The following DNM3 variants were observed in gnomAD, a reference collection of about 807,000 sequenced individuals.
DNM3 encodes the protein dynamin-3.
A neutral mutation model predicts 101.6 loss-of-function variants in DNM3; 47 were observed. The observed-to-expected ratio is 0.46, with a 90% CI of 0.37 to 0.59. The LOEUF (loss-of-function observed/expected upper bound fraction) is 0.59, where lower values mean the gene tolerates loss of function less well. DNM3 is among the 20% of genes least tolerant of loss of function. The probability of loss-of-function intolerance (pLI) is 0.00; values close to 1 mark genes in which losing one functional copy is unlikely to be tolerated. For missense variants in DNM3, 849 were observed against 1,085.7 expected, an observed-to-expected ratio of 0.78 and a Z score of 3.06; for synonymous variants, 385 against 387.9, an observed-to-expected ratio of 0.99 and a Z score of 0.09.
chr1:172,102,048 G>A lies in DNM3; in HGVS notation c.1545+9173G>A, dbSNP rs998406181. Among the ~76,000 whole-genome samples, 7 of 151,768 alleles carry A rather than the reference G, an allele frequency of 4.6e-5. No homozygotes were observed. In the East Asian group the frequency reaches 9.7e-4, roughly 21 times the overall value. On this transcript the variant is annotated intron_variant, in intron 13 of 20. Transcript: ENST00000627582. Reference sequence around the variant, plus strand: ...TAATTTTTGTATTTTTAGTAGAGACGGGGTTTCACCATGTTGGCCAGGCTG... The same window carrying A: ...TAATTTTTGTATTTTTAGTAGAGACAGGGTTTCACCATGTTGGCCAGGCTG...
chr1:172,227,378 G>A (rs1031032779), intron 14 of DNM3, among the ~76,000 whole-genome samples: 3 of 146,178 alleles, frequency 2.1e-5, no homozygotes, highest in African/African-American at 5.0e-5. Context: ...TGTGAATTAT[G>A]CTATGATAAA....
intron 20 of DNM3, chr1:172,393,889 A>T (rs1473333190): frequency 2.0e-5 from 3 of 152,640 alleles, no homozygotes; most frequent in Non-Finnish European, 4.4e-5. Flanking sequence ...GTGTCTCATG[A>T]CATTTGAAGT....
intron 2 of DNM3, among the ~76,000 whole-genome samples, chr1:171,936,951 C>T (rs565710926): frequency 2.4e-5 from 1 of 42,482 alleles, no homozygotes; most frequent in African/African-American, 9.0e-5. Context: ...TCTAGGCAGA[C>T]TGAGCAAAAG....
intron 14 of DNM3, among the ~76,000 whole-genome samples, chr1:172,160,000 G>T (rs1236362107): frequency 6.6e-6 from 1 of 151,032 alleles, no homozygotes; most frequent in Non-Finnish European, 1.5e-5. Flanking sequence ...TAACACAATG[G>T]TATTTGTGTA....
At chr1:171,977,664 A>G (rs2044479166) in intron 2 of DNM3, among the ~76,000 whole-genome samples, 1 of 152,126 alleles carries the variant, frequency 6.6e-6, no homozygotes, top group South Asian at 2.1e-4. Flanking sequence ...TCTTTCTTGA[A>G]ATTTACTCTA....
chr1:172,364,258 A>G (rs1023860007), intron 17 of DNM3, among the ~76,000 whole-genome samples: 1 of 151,820 alleles, frequency 6.6e-6, no homozygotes. Context: ...ACCAAGATAG[A>G]CTCTACAAGT....
intron 14 of DNM3, among the ~76,000 whole-genome samples, chr1:172,232,890 T>C (rs1189605521): frequency 2.6e-5 from 4 of 152,150 alleles, no homozygotes; most frequent in Non-Finnish European, 4.4e-5. Flanking sequence ...TTTAAAGCAG[T>C]GTGTAGAGGG....
intron 17 of DNM3, among the ~76,000 whole-genome samples, chr1:172,355,775 G>C (rs12117159): frequency 0.067 from 10,163 of 152,182 alleles, 388 homozygotes; most frequent in South Asian, 0.15. Flanking sequence ...AGGACACGAA[G>C]GACAGGCTGT....
intron 17 of DNM3, among the ~76,000 whole-genome samples, chr1:172,338,264 A>G (rs1400062668): frequency 6.6e-5 from 10 of 152,140 alleles, no homozygotes; most frequent in Admixed American, 6.5e-4. Flanking sequence ...GATAACCTCT[A>G]AAGTTTTGAA....
intron 14 of DNM3, among the ~76,000 whole-genome samples, chr1:172,218,429 G>C (rs2060784014): frequency 6.6e-6 from 1 of 152,034 alleles, no homozygotes; most frequent in Non-Finnish European, 1.5e-5. Flanking sequence ...CTGAGGAATT[G>C]AGGTAATTTG....
At chr1:171,907,122 A>T (rs1038683960) in intron 1 of DNM3, among the ~76,000 whole-genome samples, 1 of 152,198 alleles carries the variant, frequency 6.6e-6, no homozygotes, top group African/African-American at 2.4e-5. Context: ...TATTACTGTA[A>T]CATCTCCTAA....
At position 171,923,622 on chromosome 1, in the gene DNM3, G is replaced by A. The variant is rs759752078; in HGVS notation, c.235+1801G>A. On this transcript the variant is annotated intron_variant, in intron 2 of 20. Coordinates refer to ENST00000627582, the MANE Select transcript of DNM3 (RefSeq NM_015569.5). ...CTTTATTCTATGTTTTCTTCTAGGA[G>A]ATTTATAGCTTTGATCTTCCACTTA... is the stretch of plus-strand genomic sequence containing the variant. Among the ~76,000 whole-genome samples the A allele has an allele frequency of 3.3e-5, 5 of 151,954 alleles. 1 individual carries two copies. Among genetic ancestry groups the A allele is most frequent in the Non-Finnish European group, 5.9e-5 (4 of 67,982 alleles).
At chr1:172,205,624 C>T (rs2060296316) in intron 14 of DNM3, among the ~76,000 whole-genome samples, 1 of 152,050 alleles carries the variant, frequency 6.6e-6, no homozygotes, top group Non-Finnish European at 1.5e-5. Flanking sequence ...TATTTTTGCA[C>T]ATCTCTTTAA....
At chr1:172,104,700 A>G (rs573364763) in intron 13 of DNM3, among the ~76,000 whole-genome samples, 95 of 152,248 alleles carry the variant, frequency 6.2e-4, no homozygotes, top group African/African-American at 1.7e-3. Context: ...CATTTCTTCT[A>G]CTGTATTTAC....
At chr1:171,847,884 CTCTCTCTCTCTCTGTGTGTG>C (rs1037670779) in intron 1 of DNM3, among the ~76,000 whole-genome samples, 3 of 42,478 alleles carry the variant, frequency 7.1e-5, no homozygotes, top group East Asian at 1.2e-3. Flanking sequence ...TAATTACTCT[CTCTCTCTCTCTCTGTGTGTG>C]TGTGTGTGTG....
At chr1:172,162,630 A>T (rs945857362) in intron 14 of DNM3, among the ~76,000 whole-genome samples, 1 of 152,096 alleles carries the variant, frequency 6.6e-6, no homozygotes, top group Non-Finnish European at 1.5e-5. Context: ...GAGCTATATG[A>T]ATATATTGCT....
Position 171,983,044 on chromosome 1 carries a change from C to T in DNM3, c.236-4612C>T, listed in dbSNP as rs189799095. Among the ~76,000 whole-genome samples the T allele has an allele frequency of 2.7e-3, 407 of 152,208 alleles. 2 individuals are homozygous for T. The highest frequency in any genetic ancestry group is 4.3e-3 in the Admixed American group (66 of 15,280). ...TCACTTCCCTTATCCTGGGTGTTAC[C>T]ATTTCAGCCTATGAGCATGCCATTA... On this transcript the variant is annotated intron_variant, in intron 2 of 20. Transcript: ENST00000627582.
intron 13 of DNM3, among the ~76,000 whole-genome samples, chr1:172,114,763 A>G (rs1203032410): frequency 2.6e-5 from 4 of 152,172 alleles, no homozygotes. Flanking sequence ...ATCATGCTCT[A>G]GAGGGATGGA....
chr1:171,999,380 T>C lies in DNM3; in HGVS notation c.589+10232T>C, dbSNP rs1403282827. ...GAACAGGTTAAGTGGTTGTGTCATT[T>C]ACTGAGATTAGGAATATTCAGAGAA... On this transcript the variant is annotated intron_variant, in intron 4 of 20. Transcript: ENST00000627582. Among the ~76,000 whole-genome samples, 5 of 152,280 alleles carry C rather than the reference T, an allele frequency of 3.3e-5. No homozygotes were observed. In the East Asian group the frequency reaches 9.7e-4, roughly 30 times the overall value.
Sources: gnomAD v4.1 joint callset for allele counts (sites outside exome capture counted in the v4.1 genomes callset) on GRCh38, gnomAD v4.1.1 for gene constraint, MANE v1.5 for transcripts, NCBI Gene and HGNC (gene_info 2026-07-23, HGNC 2026-07-21) for gene names.